Variants in FSTL5 observed in about 807,000 individuals in gnomAD.
FSTL5 encodes the protein follistatin like 5, also known as follistatin-related protein 5.
A neutral mutation model predicts 89.1 loss-of-function variants in FSTL5; 62 were observed. The ratio of observed to expected loss-of-function variants is 0.70; its 90% CI spans 0.57 to 0.86. The LOEUF is 0.86. Among genes scored for constraint, FSTL5 ranks in the 40% least tolerant of loss-of-function variants. The pLI, the probability that FSTL5 is intolerant of heterozygous loss-of-function variation, is 0.00. For synonymous variants in FSTL5, 383 were observed against 346.2 expected (o/e 1.11, Z -1.18); for missense variants, 1,057 against 1,001.6 (o/e 1.06, Z -0.75).
intron 4 of FSTL5, among the ~76,000 whole-genome samples, chr4:161,800,194 C>A (rs1434766611): frequency 6.6e-6 from 1 of 151,466 alleles, no homozygotes; most frequent in East Asian, 1.9e-4. Context: ...CTTATTTTTC[C>A]ATAAGTGGCT....
At chr4:161,437,436 G>T (rs76912772) in intron 15 of FSTL5, among the ~76,000 whole-genome samples, 19,330 of 151,390 alleles carry the variant, frequency 0.13, 1,573 homozygotes, top group Admixed American at 0.22. Flanking sequence ...GCGTGGTGGC[G>T]GGCGCCTTTA....
chr4:162,084,241 C>T (rs1040023359), intron 2 of FSTL5, among the ~76,000 whole-genome samples: 5 of 151,756 alleles, frequency 3.3e-5, no homozygotes, highest in African/African-American at 4.8e-5. Flanking sequence ...GATTGGTCAA[C>T]GTCTATACAA....
intron 15 of FSTL5, among the ~76,000 whole-genome samples, chr4:161,443,834 A>T (rs971256552): frequency 7.2e-5 from 11 of 151,950 alleles, no homozygotes; most frequent in African/African-American, 2.4e-4. Context: ...GCAGGAAAGT[A>T]TAGGGGCTAC....
chr4:162,003,123 G>A (rs1409412953), intron 3 of FSTL5, among the ~76,000 whole-genome samples: 1 of 151,906 alleles, frequency 6.6e-6, no homozygotes, highest in Non-Finnish European at 1.5e-5. Flanking sequence ...CTGCCTGGGG[G>A]ACAGAGCAAG....
chr4:161,867,371 A>T (rs1041694160), intron 4 of FSTL5, among the ~76,000 whole-genome samples: 1 of 152,008 alleles, frequency 6.6e-6, no homozygotes, highest in Non-Finnish European at 1.5e-5. Flanking sequence ...TAATCAATTT[A>T]ATAAACACTT....
chr4:162,013,671 A>C lies in FSTL5; in HGVS notation c.160+19954T>G, dbSNP rs149464414. On this transcript the variant is annotated intron_variant, in intron 3 of 15. Transcript: ENST00000306100. ...GGTTGGGATCATGGCACATGGCTTG[A>C]CTTCAGACATTAGTAAGCAATATTA... 4.6e-3 allele frequency among the ~76,000 whole-genome samples: 704 copies of C among 152,192 alleles called. 5 individuals are homozygous for C. The highest frequency in any genetic ancestry group is 0.016 in the African/African-American group (677 of 41,500).
intron 6 of FSTL5, among the ~76,000 whole-genome samples, chr4:161,736,347 A>ACC (rs1354668962): frequency 1.3e-5 from 2 of 152,102 alleles, no homozygotes; most frequent in African/African-American, 4.8e-5. Context: ...TTATTACATA[A>ACC]ATTTACTCTA....
intron 2 of FSTL5, among the ~76,000 whole-genome samples, chr4:162,037,640 A>C (rs187735172): frequency 6.6e-6 from 1 of 151,924 alleles, no homozygotes; most frequent in Admixed American, 6.6e-5. Flanking sequence ...TAAATTACCA[A>C]TGCAAATCTG....
At chr4:162,021,181 T>C (rs1295722790) in intron 3 of FSTL5, among the ~76,000 whole-genome samples, 2 of 152,098 alleles carry the variant, frequency 1.3e-5, no homozygotes, top group Non-Finnish European at 2.9e-5. Flanking sequence ...GGATACAGTA[T>C]AGTCTATACT....
chr4:161,795,991 T>A (rs970671241), intron 4 of FSTL5, among the ~76,000 whole-genome samples: 5 of 151,902 alleles, frequency 3.3e-5, no homozygotes, highest in African/African-American at 1.2e-4. Flanking sequence ...AAAACCTACA[T>A]ATGCACAGCC....
At chr4:161,434,047 A>G (rs1166418263) in intron 15 of FSTL5, among the ~76,000 whole-genome samples, 1 of 152,156 alleles carries the variant, frequency 6.6e-6, no homozygotes, top group Non-Finnish European at 1.5e-5. Context: ...AACAGAAAAA[A>G]GAAACCCTAA....
chr4:161,856,026 G>A (rs1290668536), intron 4 of FSTL5, among the ~76,000 whole-genome samples: 1 of 152,056 alleles, frequency 6.6e-6, no homozygotes, highest in African/African-American at 2.4e-5. Context: ...TATGCATCAT[G>A]CCATCCAGGA....
At chr4:162,110,397 T>A (rs1731389017) in intron 2 of FSTL5, among the ~76,000 whole-genome samples, 1 of 151,938 alleles carries the variant, frequency 6.6e-6, no homozygotes, top group African/African-American at 2.4e-5. Flanking sequence ...ATTTGATACT[T>A]ACAAAATAAT....
Position 161,669,138 on chromosome 4 carries a change from T to G in FSTL5, c.728-12644A>C, listed in dbSNP as rs181475891. 1.9e-3 allele frequency among the ~76,000 whole-genome samples: 264 copies of G among 142,352 alleles called. 1 individual carries two copies. Among genetic ancestry groups the G allele is most frequent in the South Asian group, 5.9e-3 (26 of 4,428 alleles). 93.4% of individuals were successfully genotyped at this position (142,352 alleles called of 152,430 possible). On this transcript the variant is annotated intron_variant, in intron 6 of 15. Coordinates refer to ENST00000306100, the MANE Select transcript of FSTL5 (RefSeq NM_020116.5). ...AAAAAAAAAAAAAAATAAAATAAAATAAAAGAAAAAGAAAAATAAATAAAT... is the reference window on the plus strand; with the variant it reads ...AAAAAAAAAAAAAAATAAAATAAAAGAAAAGAAAAAGAAAAATAAATAAAT...
intron 15 of FSTL5, among the ~76,000 whole-genome samples, chr4:161,415,502 G>A (rs908105263): frequency 1.3e-5 from 2 of 151,900 alleles, no homozygotes; most frequent in Non-Finnish European, 2.9e-5. Context: ...TGATCCACCC[G>A]CATCAACCTC....
chr4:161,538,089 C>A, intron 10 of FSTL5, 77 bp downstream of exon 10: 3 of 1,441,032 alleles, frequency 2.1e-6, no homozygotes, highest in South Asian at 1.3e-5. Context: ...TTTCTGGTGC[C>A]TTTACTTTTT....
chr4:161,890,014 A>C (rs1440597), intron 4 of FSTL5, among the ~76,000 whole-genome samples: 144,078 of 152,260 alleles, frequency 0.95, 68,633 homozygotes, highest in Non-Finnish European at 1. Flanking sequence ...GCCAATAATG[A>C]AGACATTGGG....
intron 1 of FSTL5, among the ~76,000 whole-genome samples, chr4:162,159,721 T>C (rs1167997514): frequency 6.6e-6 from 1 of 152,042 alleles, no homozygotes; most frequent in Non-Finnish European, 1.5e-5. Context: ...CTTTTATAGA[T>C]TGTAATTTCC....
intron 7 of FSTL5, among the ~76,000 whole-genome samples, chr4:161,653,008 T>C (rs995571340): frequency 3.9e-5 from 6 of 152,186 alleles, no homozygotes; most frequent in Non-Finnish European, 8.8e-5. Flanking sequence ...AATCCATATC[T>C]AACAATGAAA....
Sources: gnomAD v4.1 joint callset for allele counts (sites outside exome capture counted in the v4.1 genomes callset) on GRCh38, gnomAD v4.1.1 for gene constraint, MANE v1.5 for transcripts, NCBI Gene and HGNC (gene_info 2026-07-23, HGNC 2026-07-21) for gene names.